The following PVALB variants were observed in gnomAD, a reference collection of about 807,000 sequenced individuals.
PVALB encodes parvalbumin, also known as parvalbumin alpha.
Under a neutral mutation model 10.9 loss-of-function variants are expected in PVALB, and 11 were observed. The observed-to-expected ratio is 1.01, with a 90% confidence interval of 0.63 to 1.67. The LOEUF (loss-of-function observed/expected upper bound fraction) is 1.67. Ranked by LOEUF, PVALB falls within the 40% of genes most tolerant of loss-of-function variation. The pLI is 0.00. For missense variants in PVALB, 131 were observed against 136.2 expected (o/e 0.96, Z 0.19); for synonymous variants, 57 against 50.7 (o/e 1.12, Z -0.53).
At chr22:36,809,421 T>C (rs1314047335) in intron 3 of PVALB, among the ~76,000 whole-genome samples, 1 of 148,052 alleles carries the variant, frequency 6.8e-6, no homozygotes, top group Non-Finnish European at 1.5e-5. Context: ...TCAATAAATA[T>C]AATCATCTTA....
In PVALB at chr22:36,815,254, G is replaced by A; in HGVS notation, c.62-19C>T. 1 of 1,613,998 alleles carries A rather than the reference G, an allele frequency of 6.2e-7. No homozygotes were observed. The highest frequency in any genetic ancestry group is 8.5e-7 in the Non-Finnish European group (1 of 1,179,900). ...TCGGTAGCTGTGGGGGGAAGAGCAG[G>A]GTCAAACAAGGACCAGAAAGGCTGG... On this transcript the variant is annotated intron_variant, in intron 1 of 3. Coordinates refer to ENST00000417718, the MANE Select transcript of PVALB (RefSeq NM_001315532.2).
At chr22:36,801,370 T>C (rs1938861495) in intron 3 of PVALB, among the ~76,000 whole-genome samples, 1 of 152,230 alleles carries the variant, frequency 6.6e-6, no homozygotes, top group Non-Finnish European at 1.5e-5. Context: ...TGGACTTCTC[T>C]GCTGTTTTTC....
intron 3 of PVALB, among the ~76,000 whole-genome samples, chr22:36,807,968 C>A (rs1938983013): frequency 6.6e-6 from 1 of 152,182 alleles, no homozygotes. Context: ...GTTTCAGCAA[C>A]AGAAGCAAAA....
At chr22:36,802,302 T>C (rs1399493972) in intron 3 of PVALB, among the ~76,000 whole-genome samples, 2 of 152,074 alleles carry the variant, frequency 1.3e-5, no homozygotes, top group Admixed American at 1.3e-4. Context: ...TGCTGTATTG[T>C]AGAAATAACC....
At chr22:36,800,989 C>T (rs1391741835) in intron 3 of PVALB, 71 bp from the exon 4 acceptor site, 45 of 1,486,862 alleles carry the variant, frequency 3.0e-5, no homozygotes, top group Admixed American at 3.4e-5. Context: ...CACCTGACTG[C>T]GGGGCCCTGG....
In PVALB at chr22:36,816,969, T is replaced by A. The variant is rs765897879; in HGVS notation, c.37A>T (p.Lys13Ter). The change falls in exon 1 of 4, where the codon AAG becomes TAG. Residue 13 changes from lysine (K) to a stop codon, truncating the protein, a stop_gained. Coordinates refer to ENST00000417718, the MANE Select transcript of PVALB (RefSeq NM_001315532.2). LOFTEE classifies it high-confidence loss of function. Reference sequence around the variant, plus strand: ...CCGCTAAAGGCTCCCACCGCCTTCTTGATGTCCTCAGCGTTCAGCAAGTCT... The same window carrying A: ...CCGCTAAAGGCTCCCACCGCCTTCTAGATGTCCTCAGCGTTCAGCAAGTCT... The part of the protein sequence containing the change: ...MTDLLNAEDI[K>*]KAVGAFSATD... The A allele has an allele frequency of 1.9e-6, 3 of 1,609,784 alleles. No homozygotes were observed. Among genetic ancestry groups the A allele is most frequent in the Non-Finnish European group, 2.5e-6 (3 of 1,178,868 alleles).
chr22:36,803,738 A>C (rs1011737183), intron 3 of PVALB, among the ~76,000 whole-genome samples: 2 of 151,802 alleles, frequency 1.3e-5, no homozygotes, highest in East Asian at 3.9e-4. Context: ...GGTGGATGGG[A>C]TAGCTCACGA....
upstream of PVALB, chr22:36,818,384 C>T (rs1939183832): frequency 1.3e-5 from 2 of 152,298 alleles, no homozygotes; most frequent in Admixed American, 1.3e-4. Flanking sequence ...TCCTGCAGCT[C>T]AGCCCTGGAT....
chr22:36,812,613 T>C (rs1262655399), intron 3 of PVALB, among the ~76,000 whole-genome samples: 1 of 151,982 alleles, frequency 6.6e-6, no homozygotes. Flanking sequence ...AGAGTAGTTA[T>C]CAAATTACGC....
intron 2 of PVALB, 130 bp downstream of exon 2, chr22:36,814,973 C>T (rs778505643): frequency 6.3e-4 from 789 of 1,253,138 alleles, no homozygotes; most frequent in Middle Eastern, 3.5e-3. Flanking sequence ...CCTGCCTTCA[C>T]GCACGGTTAC....
At chr22:36,818,391 G>A (rs2284025), upstream of PVALB, 32,096 of 152,252 alleles carry the variant, frequency 0.21, 6,799 homozygotes, top group African/African-American at 0.54. Context: ...GCTCAGCCCT[G>A]GATGGCTGCC....
At chr22:36,817,791 T>A (rs746695825), upstream of PVALB, among the ~76,000 whole-genome samples, 8 of 152,154 alleles carry the variant, frequency 5.3e-5, no homozygotes, top group Non-Finnish European at 1.0e-4. Flanking sequence ...GCTTTCCTGG[T>A]CTCCTGGGTC....
chr22:36,815,194 C>T lies in PVALB; in HGVS notation c.103G>A (p.Gly35Ser), dbSNP rs571435563. The change falls in exon 2 of 4, where the codon GGC (glycine) becomes AGC (serine). Residue 35 changes from glycine to serine, a missense_variant. By Grantham distance (56) the Gly-to-Ser change is moderately conservative. Coordinates refer to ENST00000417718, the MANE Select transcript of PVALB (RefSeq NM_001315532.2). ...FDHKKFFQMV[G>S]LKKKSADDVK... The stretch of plus-strand genomic sequence containing the variant: ...TCATCCGCACTCTTTTTCTTCAGGC[C>T]GACCATTTGGAAGAACTTTTTGTGG... 10 of 1,614,146 alleles carry T rather than the reference C, an allele frequency of 6.2e-6. No homozygotes were observed. The highest frequency in any genetic ancestry group is 4.5e-5 in the East Asian group (2 of 44,882).
chr22:36,809,090 C>A (rs1569091846), intron 3 of PVALB, among the ~76,000 whole-genome samples: 1 of 152,202 alleles, frequency 6.6e-6, no homozygotes, highest in Non-Finnish European at 1.5e-5. Context: ...TTCAGAAGGA[C>A]AAACAGAGCA....
At chr22:36,809,397 A>G (rs1939011777) in intron 3 of PVALB, among the ~76,000 whole-genome samples, 1 of 152,112 alleles carries the variant, frequency 6.6e-6, no homozygotes, top group African/African-American at 2.4e-5. Context: ...GAGGAGAAAG[A>G]AATAGGCAAT....
chr22:36,813,690 A>G lies in PVALB; in HGVS notation c.260T>C (p.Met87Thr), dbSNP rs1569093641. ...DLSAKETKML[M>T]AAGDKDGDGK... ...GTCCCCATCTTTGTCTCCAGCAGCC[A>G]TCAGCATCTTGGTTTCTTTAGCAGA... Residue 87 changes from methionine (M) to threonine (T), a missense_variant, in exon 3 of 4, where the codon ATG becomes ACG. Transcript: ENST00000417718. 6.2e-7 allele frequency: 1 copy of G among 1,614,138 alleles called. No homozygotes were observed. The highest frequency in any genetic ancestry group is 8.5e-7 in the Non-Finnish European group (1 of 1,180,018).
At chr22:36,801,754 C>T (rs537182041) in intron 3 of PVALB, among the ~76,000 whole-genome samples, 8 of 152,126 alleles carry the variant, frequency 5.3e-5, no homozygotes, top group African/African-American at 1.7e-4. Flanking sequence ...GAGCCAAGAT[C>T]GTGCCACCGC....
rs763689789 is a variant in PVALB at position 36,800,882 on chromosome 22, A to C, written c.*8T>G. The C allele has an allele frequency of 1.2e-6, 2 of 1,608,382 alleles. No homozygotes were observed. Among genetic ancestry groups the C allele is most frequent in the Admixed American group, 3.3e-5 (2 of 60,002 alleles). ...GAGAGGTGGAAGACCAGGGGCAGTC[A>C]GTGCTTCTTAGCTTTCAGCCACCAG... On this transcript the variant is annotated 3_prime_UTR_variant, in exon 4 of 4. Coordinates refer to ENST00000417718, the MANE Select transcript of PVALB (RefSeq NM_001315532.2).
At chr22:36,813,891 C>T (rs540940597) in intron 2 of PVALB, 136 bp from the exon 3 acceptor site, 30 of 711,102 alleles carry the variant, frequency 4.2e-5, no homozygotes, top group East Asian at 1.8e-4. Context: ...GTCACGCACA[C>T]GGATGCTCTG....
Sources: gnomAD v4.1 joint callset for allele counts (sites outside exome capture counted in the v4.1 genomes callset) on GRCh38, gnomAD v4.1.1 for gene constraint, MANE v1.5 for transcripts, NCBI Gene and HGNC (gene_info 2026-07-23, HGNC 2026-07-21) for gene names.